The following KCNN3 variants were observed in gnomAD, a reference collection of about 807,000 sequenced individuals.
KCNN3 encodes the protein small conductance calcium-activated potassium channel protein 3.
KCNN3 carries 16 observed loss-of-function variants against 62.9 expected under a neutral mutation model. The ratio of observed to expected loss-of-function variants is 0.25; its 90% CI spans 0.17 to 0.39. The LOEUF (loss-of-function observed/expected upper bound fraction) is 0.39, where lower values mean the gene tolerates loss of function less well. Ranked by LOEUF, KCNN3 falls within the 10% of genes least tolerant of loss-of-function variation. KCNN3 has a pLI of 1.00. For missense variants in KCNN3, 599 were observed against 949.4 expected (o/e 0.63, Z 4.85); for synonymous variants, 370 against 389.2 (o/e 0.95, Z 0.58).
chr1:154,867,486 G>C (rs1652998492), intron 1 of KCNN3, among the ~76,000 whole-genome samples: 1 of 152,102 alleles, frequency 6.6e-6, no homozygotes, highest in Admixed American at 6.5e-5. Context: ...TATTCAGGTC[G>C]TCTGACAGGT....
At chr1:154,842,181 G>A (rs1651859557) in intron 1 of KCNN3, among the ~76,000 whole-genome samples, 1 of 152,212 alleles carries the variant, frequency 6.6e-6, no homozygotes, top group African/African-American at 2.4e-5. Flanking sequence ...CTGCAATGGG[G>A]TGGGACCCTA....
At chr1:154,866,062 C>A (rs904203492) in intron 1 of KCNN3, among the ~76,000 whole-genome samples, 8 of 152,180 alleles carry the variant, frequency 5.3e-5, no homozygotes, top group Non-Finnish European at 8.8e-5. Flanking sequence ...TGGGCTGTGA[C>A]TAACCCAGAC....
chr1:154,722,374 C>CT (rs1700368517), intron 5 of KCNN3, among the ~76,000 whole-genome samples: 4 of 146,290 alleles, frequency 2.7e-5, no homozygotes. Context: ...TATGAATAGA[C>CT]TGAGCTTAGC....
intron 3 of KCNN3, among the ~76,000 whole-genome samples, chr1:154,756,995 G>C (rs147213470): frequency 6.6e-6 from 1 of 152,180 alleles, no homozygotes; most frequent in African/African-American, 2.4e-5. Flanking sequence ...GTGGCTCAAT[G>C]CTCCACTTGG....
At chr1:154,807,263 G>A (rs1362844483) in intron 2 of KCNN3, among the ~76,000 whole-genome samples, 2 of 152,076 alleles carry the variant, frequency 1.3e-5, no homozygotes, top group African/African-American at 4.8e-5. Flanking sequence ...CTGAGAAGAG[G>A]AAAAAATGTC....
chr1:154,756,311 GGAAGAA>G (rs921271563), intron 3 of KCNN3, among the ~76,000 whole-genome samples: 80 of 151,316 alleles, frequency 5.3e-4, no homozygotes, highest in African/African-American at 1.9e-3. Flanking sequence ...AAGAGGAAGA[GGAAGAA>G]GAAGAAAAAG....
Position 154,869,966 on chromosome 1 carries a change from T to C in KCNN3, c.-2A>G, listed in dbSNP as rs761793468. ...ATGGAAGTGCCCAGAAGTGTCCATC[T>C]TGGGGCCTGGCTGTATTCCCTGCAG... is the stretch of plus-strand genomic sequence containing the variant. On this transcript the variant is annotated 5_prime_UTR_variant, in exon 1 of 8. Coordinates refer to ENST00000271915, the MANE Select transcript of KCNN3 (RefSeq NM_002249.6). The surrounding 1 kb of genome is among the most constrained non-coding windows in gnomAD (Gnocchi z 6.1). 1 of 1,610,550 alleles carries C rather than the reference T, an allele frequency of 6.2e-7. No homozygotes were observed. The highest frequency in any genetic ancestry group is 8.5e-7 in the Non-Finnish European group (1 of 1,178,466).
Position 154,718,908 on chromosome 1 carries a change from T to G in KCNN3, c.1702-3905A>C, listed in dbSNP as rs549832367. 2.0e-5 allele frequency among the ~76,000 whole-genome samples: 3 copies of G among 152,300 alleles called. No homozygotes were observed. The South Asian group carries it at 6.2e-4, about 32-fold the overall frequency. ...TAATATTCTCTCCTTCCAATAAATG[T>G]CAGCTTCCTTCCCTCTAACTTCCCC... On this transcript the variant is annotated intron_variant, in intron 5 of 7. Coordinates refer to ENST00000271915, the MANE Select transcript of KCNN3 (RefSeq NM_002249.6).
intron 1 of KCNN3, among the ~76,000 whole-genome samples, chr1:154,856,596 A>G (rs1418317968): frequency 6.6e-6 from 1 of 152,028 alleles, no homozygotes; most frequent in Non-Finnish European, 1.5e-5. Flanking sequence ...CTCACCTGCA[A>G]CTCAGCTGGC....
intron 1 of KCNN3, among the ~76,000 whole-genome samples, chr1:154,842,048 G>A (rs536661027): frequency 6.6e-4 from 100 of 152,334 alleles, no homozygotes; most frequent in African/African-American, 2.3e-3. Context: ...CAGGGTAAGG[G>A]GTGAGGGGAG....
intron 1 of KCNN3, among the ~76,000 whole-genome samples, chr1:154,837,224 G>A (rs2101907796): frequency 6.6e-6 from 1 of 151,978 alleles, no homozygotes; most frequent in South Asian, 2.1e-4. Context: ...TCAGCCTCCT[G>A]AATAGCTGGG....
intron 1 of KCNN3, among the ~76,000 whole-genome samples, chr1:154,861,310 C>T (rs993773172): frequency 2.6e-5 from 4 of 152,066 alleles, no homozygotes; most frequent in African/African-American, 7.2e-5. Context: ...ATCAGGTCTT[C>T]GGGGCCTGAG....
intron 3 of KCNN3, among the ~76,000 whole-genome samples, chr1:154,745,331 C>A (rs1445250187): frequency 1.3e-5 from 2 of 152,246 alleles, no homozygotes. Context: ...CGACTTGCCG[C>A]CAAACAACCA....
chr1:154,738,850 T>C (rs1700768919), intron 3 of KCNN3, among the ~76,000 whole-genome samples: 2 of 152,252 alleles, frequency 1.3e-5, no homozygotes, highest in Non-Finnish European at 2.9e-5. Flanking sequence ...AAAGTTATCA[T>C]ATTTTTTACT....
At chr1:154,779,824 G>A (rs1040097567) in intron 2 of KCNN3, among the ~76,000 whole-genome samples, 1 of 152,218 alleles carries the variant, frequency 6.6e-6, no homozygotes, top group Non-Finnish European at 1.5e-5. Context: ...AGCACTTTCA[G>A]TTATTCAGGG....
At chr1:154,758,105 G>A (rs1043560583) in intron 3 of KCNN3, among the ~76,000 whole-genome samples, 13 of 152,250 alleles carry the variant, frequency 8.5e-5, no homozygotes, top group Middle Eastern at 6.8e-3. Flanking sequence ...GAAACTACAC[G>A]TTTTAACCAA....
At position 154,697,933 on chromosome 1, in the gene KCNN3, T is replaced by C. The variant is rs146483641; in HGVS notation, c.*10043A>G. 1.7e-4 allele frequency: 26 copies of C among 152,300 alleles called. No homozygotes were observed. The highest frequency in any genetic ancestry group is 6.3e-4 in the African/African-American group (26 of 41,562). 9.4% of individuals were successfully genotyped at this position (152,300 alleles called of 1,614,324 possible). A position where few individuals can be genotyped will look rare whatever the true frequency, so the allele number is the denominator to read the frequency against. Reference sequence around the variant, plus strand: ...AATGGGAATAATATGTCATCCACCTTACAGGGTGATGACTAATATATTGGC... The same window carrying C: ...AATGGGAATAATATGTCATCCACCTCACAGGGTGATGACTAATATATTGGC... On this transcript the variant is annotated 3_prime_UTR_variant, in exon 8 of 8. Coordinates refer to ENST00000271915, the MANE Select transcript of KCNN3 (RefSeq NM_002249.6).
intron 3 of KCNN3, among the ~76,000 whole-genome samples, chr1:154,753,871 G>A (rs189489320): frequency 1.5e-4 from 23 of 152,306 alleles, no homozygotes; most frequent in African/African-American, 5.3e-4. Context: ...AGGGCTCAGG[G>A]TTTATCAGGA....
At chr1:154,852,565 T>C (rs533292448) in intron 1 of KCNN3, among the ~76,000 whole-genome samples, 4 of 151,906 alleles carry the variant, frequency 2.6e-5, no homozygotes, top group East Asian at 1.9e-4. Flanking sequence ...AGATCAAGTA[T>C]CTCCAATGAA....
Sources: gnomAD v4.1 joint callset for allele counts (sites outside exome capture counted in the v4.1 genomes callset) on GRCh38, gnomAD v4.1.1 for gene constraint, Gnocchi (gnomAD v3.1) non-coding constraint, MANE v1.5 for transcripts, NCBI Gene and HGNC (gene_info 2026-07-23, HGNC 2026-07-21) for gene names.